The following GPALPP1 variants were observed in gnomAD, a reference collection of about 807,000 sequenced individuals.
GPALPP1 encodes GPALPP motifs-containing protein 1.
A neutral mutation model predicts 38.9 loss-of-function variants in GPALPP1; 30 were observed. The observed-to-expected ratio is 0.77, with a 90% CI of 0.58 to 1.05. GPALPP1 has a LOEUF of 1.05. GPALPP1 is among the 50% of genes least tolerant of loss of function. The pLI is 0.00. For synonymous variants in GPALPP1, 120 were observed against 139.2 expected (o/e 0.86, Z 0.97); for missense variants, 384 against 408.8 (o/e 0.94, Z 0.52).
chr13:45,000,372 G>T (rs1478836343), intron 1 of GPALPP1, among the ~76,000 whole-genome samples: 1 of 152,180 alleles, frequency 6.6e-6, no homozygotes, highest in East Asian at 1.9e-4. Context: ...CAAGGTTACA[G>T]TGAGCCATGA....
chr13:45,024,425 G>A (rs562342896), intron 7 of GPALPP1, among the ~76,000 whole-genome samples: 3 of 151,684 alleles, frequency 2.0e-5, no homozygotes, highest in East Asian at 2.0e-4. Context: ...TCAGACTCCC[G>A]AATAGCTGGG....
intron 4 of GPALPP1, among the ~76,000 whole-genome samples, chr13:45,014,467 C>T (rs1218001528): frequency 1.3e-5 from 2 of 151,672 alleles, no homozygotes; most frequent in Admixed American, 1.3e-4. Flanking sequence ...AGTTTTATTA[C>T]ACTCTAAGCC....
chr13:44,989,739 C>G lies in GPALPP1; in HGVS notation c.85C>G (p.Pro29Ala). 1 of 1,606,998 alleles carries G rather than the reference C, an allele frequency of 6.2e-7. No homozygotes were observed. ...GGAGGACGAAGAGCGGGACCCGAGC[C>G]CTGGTAAGCGGCGGCGTCTCCGCTG... ...TAEDEERDPS[P>A]VAGPALPPNY... is the part of the protein sequence containing the mutation. The change falls in exon 1 of 8, where the codon CCT becomes GCT. Residue 29 changes from proline to alanine, a missense_variant. By Grantham distance (27) the Pro-to-Ala change is conservative. Coordinates refer to ENST00000379151, the MANE Select transcript of GPALPP1 (RefSeq NM_018559.5).
In GPALPP1 at chr13:45,015,015, T is replaced by C. The variant is rs1355768306; in HGVS notation, c.472T>C (p.Tyr158His). Reference protein sequence around the residue: ...GPMPAKGPVNYNVTTEFEKRA... With the variant: ...GPMPAKGPVNHNVTTEFEKRA... ...AATGCCTGCAAAAGGACCAGTTAACTATAATGTAACGACAGAGTTTGAAAA... is the reference window on the plus strand; with the variant it reads ...AATGCCTGCAAAAGGACCAGTTAACCATAATGTAACGACAGAGTTTGAAAA... Residue 158 changes from tyrosine to histidine, a missense_variant, in exon 5 of 8, where the codon TAT becomes CAT. Physicochemically the swap from Tyr to His is moderately conservative, Grantham distance 83 (BLOSUM62 2). Coordinates refer to ENST00000379151, the MANE Select transcript of GPALPP1 (RefSeq NM_018559.5). 3 of 1,606,860 alleles carry C rather than the reference T, an allele frequency of 1.9e-6. No homozygotes were observed. Among genetic ancestry groups the C allele is most frequent in the Non-Finnish European group, 1.7e-6 (2 of 1,174,126 alleles).
intron 1 of GPALPP1, 132 bp downstream of exon 1, chr13:44,989,874 C>T (rs1593376292): frequency 3.1e-6 from 2 of 644,514 alleles, no homozygotes; most frequent in East Asian, 5.5e-5. Context: ...CCCGAGAGAA[C>T]TTTTCTCTTC....
At chr13:45,020,712 AT>A (rs979833451) in intron 7 of GPALPP1, among the ~76,000 whole-genome samples, 2 of 147,328 alleles carry the variant, frequency 1.4e-5, no homozygotes, top group African/African-American at 2.5e-5. Context: ...TTATCTGTTT[AT>A]TTTTTTCTCT....
Position 45,015,504 on chromosome 13 carries a change from G to C in GPALPP1, c.613G>C (p.Gly205Arg), listed in dbSNP as rs778672412. Residue 205 changes from glycine (G) to arginine (R), a missense_variant, in exon 6 of 8, where the codon GGG becomes CGG. Coordinates refer to ENST00000379151, the MANE Select transcript of GPALPP1 (RefSeq NM_018559.5). ...TCCAGAAATGAAAGACTTTGGTCTTGGGCCAAGGACTTTTAAGAGAAGAGC... is the reference window on the plus strand; with the variant it reads ...TCCAGAAATGAAAGACTTTGGTCTTCGGCCAAGGACTTTTAAGAGAAGAGC... The part of the protein sequence containing the change: ...LPPEMKDFGL[G>R]PRTFKRRADD... The C allele has an allele frequency of 6.2e-7, 1 of 1,608,326 alleles. No individual in the cohort carries two copies. Among genetic ancestry groups the C allele is most frequent in the East Asian group, 2.2e-5 (1 of 44,566 alleles).
In GPALPP1 at chr13:45,028,397, A is replaced by G. The variant is rs563672229; in HGVS notation, c.*394A>G. The G allele has an allele frequency of 1.3e-4, 20 of 157,832 alleles. 1 individual carries two copies. Among genetic ancestry groups the G allele is most frequent in the African/African-American group, 3.8e-4 (16 of 41,658 alleles). The allele number at this position is 157,832 out of a possible 1,614,324, so 9.8% of individuals were successfully genotyped here. A position where few individuals can be genotyped will look rare whatever the true frequency, so the allele number is the denominator to read the frequency against. ...TGTTTGTTGCTTAGAAAGGTCCCCT[A>G]TAAGTTAAGGTTCAAAACTATTCCA... On this transcript the variant is annotated 3_prime_UTR_variant, in exon 8 of 8. Coordinates refer to ENST00000379151, the MANE Select transcript of GPALPP1 (RefSeq NM_018559.5).
At chr13:45,036,648 TAAAAA>T (rs1448347224) in exon 8 of GPALPP1, 1 of 152,032 alleles carries the variant, frequency 6.6e-6, no homozygotes, top group Non-Finnish European at 1.5e-5. Context: ...AAAAGAATGT[TAAAAA>T]GAAACAAAAG....
chr13:45,027,723 TA>T (rs1211376187), intron 7 of GPALPP1, 61 bp from the exon 8 acceptor site: 1 of 781,782 alleles, frequency 1.3e-6, no homozygotes, highest in African/African-American at 1.7e-5. Flanking sequence ...TTCATGGTCA[TA>T]TTCTGTCAAT....
At position 45,027,817 on chromosome 13, in the gene GPALPP1, A is replaced by G; in HGVS notation, c.837A>G (p.Ile279Met). 1 of 1,583,768 alleles carries G rather than the reference A, an allele frequency of 6.3e-7. No individual in the cohort carries two copies. Among genetic ancestry groups the G allele is most frequent in the South Asian group, 1.1e-5 (1 of 90,272 alleles). The stretch of plus-strand genomic sequence containing the variant: ...AAAGATCAGAATCTCTTATGGACAT[A>G]CATCATAAAAAGTTAAAGAGTAAGG... Reference protein sequence around the residue: ...ESKRSESLMDIHHKKLKSKAA... With the variant: ...ESKRSESLMDMHHKKLKSKAA... Residue 279 changes from isoleucine to methionine, a missense_variant, in exon 8 of 8, where the codon ATA becomes ATG. By Grantham distance (10) the Ile-to-Met change is conservative (BLOSUM62 1). Transcript: ENST00000379151.
rs140588373 is a variant in GPALPP1, at chr13:45,015,498, G to T, written c.607G>T (p.Gly203Cys). ...ACTTCCTCCAGAAATGAAAGACTTT[G>T]GTCTTGGGCCAAGGACTTTTAAGAG... ...TELPPEMKDF[G>C]LGPRTFKRRA... is the part of the protein sequence containing the mutation. Residue 203 changes from glycine (G) to cysteine (C), a missense_variant, in exon 6 of 8, where the codon GGT (glycine) becomes TGT (cysteine). Gly to Cys is a radical substitution (Grantham distance 159). Coordinates refer to ENST00000379151, the MANE Select transcript of GPALPP1 (RefSeq NM_018559.5). 0.014 allele frequency: 22,754 copies of T among 1,608,082 alleles called. 219 individuals carry two copies. Among genetic ancestry groups the T allele is most frequent in the Non-Finnish European group, 0.017 (20,115 of 1,176,578 alleles).
intron 1 of GPALPP1, among the ~76,000 whole-genome samples, chr13:45,003,834 G>A (rs1873864110): frequency 6.7e-6 from 1 of 148,690 alleles, no homozygotes; most frequent in Admixed American, 6.7e-5. Flanking sequence ...ATCTCAAAAA[G>A]AAAACTAACC....
Position 45,008,868 on chromosome 13 carries a change from C to G in GPALPP1, c.397C>G (p.Pro133Ala). The change falls in exon 4 of 8, where the codon CCA becomes GCA. Residue 133 changes from proline to alanine, a missense_variant. Coordinates refer to ENST00000379151, the MANE Select transcript of GPALPP1 (RefSeq NM_018559.5). ...TQKSDKGRDD[P>A]GQQETDSSED... Reference sequence around the variant, plus strand: ...GAAAAGTGACAAGGGCAGAGATGATCCAGGACAACAGGTATCATCATCCCA... The same window carrying G: ...GAAAAGTGACAAGGGCAGAGATGATGCAGGACAACAGGTATCATCATCCCA... 7.6e-6 allele frequency: 12 copies of G among 1,568,982 alleles called. No individual in the cohort carries two copies. The highest frequency in any genetic ancestry group is 1.7e-5 in the Admixed American group (1 of 59,950).
intron 1 of GPALPP1, among the ~76,000 whole-genome samples, chr13:44,993,813 C>CT (rs71070951): frequency 0.12 from 18,063 of 146,402 alleles, 1,649 homozygotes; most frequent in East Asian, 0.25. Flanking sequence ...TTCTGTTTGT[C>CT]TTTTTTTTTT....
intron 7 of GPALPP1, among the ~76,000 whole-genome samples, chr13:45,024,310 T>G (rs181961712): frequency 0.013 from 1,526 of 117,286 alleles, 83 homozygotes; most frequent in African/African-American, 0.033. Flanking sequence ...GTGTGTGTGT[T>G]TTGAGACTGA....
At chr13:45,025,387 A>G (rs1208656387) in intron 7 of GPALPP1, among the ~76,000 whole-genome samples, 1 of 152,132 alleles carries the variant, frequency 6.6e-6, no homozygotes, top group East Asian at 1.9e-4. Context: ...TTTTTTCCAC[A>G]TTGATCTTAT....
intron 2 of GPALPP1, among the ~76,000 whole-genome samples, chr13:45,004,784 A>T (rs150203680): frequency 0.013 from 2,011 of 152,028 alleles, 53 homozygotes; most frequent in Admixed American, 0.013. Flanking sequence ...AGAAGCTGGA[A>T]CCACAGGTGC....
intron 4 of GPALPP1, among the ~76,000 whole-genome samples, chr13:45,013,742 AG>A (rs916939311): frequency 4.6e-5 from 7 of 152,186 alleles, no homozygotes; most frequent in African/African-American, 1.7e-4. Context: ...GGGCTTAGAA[AG>A]GTTAAATAAC....
Sources: gnomAD v4.1 joint callset for allele counts (sites outside exome capture counted in the v4.1 genomes callset) on GRCh38, gnomAD v4.1.1 for gene constraint, MANE v1.5 for transcripts, NCBI Gene and HGNC (gene_info 2026-07-23, HGNC 2026-07-21) for gene names.